The following ZIC5 variants were observed in gnomAD, a reference collection of about 807,000 sequenced individuals.
The protein encoded by ZIC5 is Zic family zinc finger 5.
A neutral mutation model predicts 28.5 loss-of-function variants in ZIC5; 20 were observed. That is an observed-to-expected ratio of 0.70 (90% CI 0.49 to 1.02). The LOEUF is 1.02. Among genes scored for constraint, ZIC5 ranks in the 50% least tolerant of loss-of-function variants. The probability of loss-of-function intolerance (pLI) is 0.00; values close to 1 mark genes in which losing one functional copy is unlikely to be tolerated. For missense variants in ZIC5, 951 were observed against 899.7 expected (o/e 1.06, Z -0.73); for synonymous variants, 488 against 410.4 (o/e 1.19, Z -2.29).
In ZIC5 at chr13:99,971,356, G is replaced by T. The variant is rs1414179384; in HGVS notation, c.248C>A (p.Pro83His). The T allele has an allele frequency of 7.0e-7, 1 of 1,438,620 alleles. No homozygotes were observed. Among genetic ancestry groups the T allele is most frequent in the Admixed American group, 3.0e-5 (1 of 33,854 alleles). The allele number at this position is 1,438,620 out of a possible 1,614,324, so 89.1% of individuals were successfully genotyped here. The stretch of plus-strand genomic sequence containing the variant: ...CGGGTGTGCCGGGAACGCCTGGGAG[G>T]GAGGGCTGAGGCCCAGCGTGCTCGC... ...AQASTLGLSP[P>H]SQAFPAHPEA... Residue 83 changes from proline (P) to histidine (H), a missense_variant, in exon 1 of 2, where the codon CCC becomes CAC. Coordinates refer to ENST00000267294, the MANE Select transcript of ZIC5 (RefSeq NM_033132.5).
At chr13:99,968,486 G>A (rs1594283031) in intron 1 of ZIC5, among the ~76,000 whole-genome samples, 1 of 152,208 alleles carries the variant, frequency 6.6e-6, no homozygotes, top group East Asian at 1.9e-4. Flanking sequence ...ACCGGGGACA[G>A]TGCGCAGGGC....
chr13:99,968,576 C>G (rs2053119763), intron 1 of ZIC5, among the ~76,000 whole-genome samples: 1 of 152,072 alleles, frequency 6.6e-6, no homozygotes, highest in Non-Finnish European at 1.5e-5. Context: ...CCGCTCCCCT[C>G]GCGAGGCCTG....
In ZIC5 at chr13:99,965,757, G is replaced by T; in HGVS notation, c.1540C>A (p.Arg514=). The T allele has an allele frequency of 1.2e-6, 2 of 1,614,118 alleles. No individual in the cohort carries two copies. The highest frequency in any genetic ancestry group is 1.7e-6 in the Non-Finnish European group (2 of 1,180,008). The change falls in exon 2 of 2, where the codon CGG becomes AGG. Residue 514 remains arginine, a synonymous_variant. Coordinates refer to ENST00000267294, the MANE Select transcript of ZIC5 (RefSeq NM_033132.5). ...CDRKFANSSD[R]KKHSHVHTSD... ...GTGTGGACATGGGAATGTTTCTTCCGATCACTGCTATTGGCAAACTTCCTG... is the reference window on the plus strand; with the variant it reads ...GTGTGGACATGGGAATGTTTCTTCCTATCACTGCTATTGGCAAACTTCCTG...
rs2053139227 is a variant in ZIC5, at chr13:99,970,366, G to A, written c.1238C>T (p.Thr413Ile). 2.5e-6 allele frequency: 4 copies of A among 1,588,744 alleles called. No homozygotes were observed. Among genetic ancestry groups the A allele is most frequent in the Non-Finnish European group, 2.6e-6 (3 of 1,169,190 alleles). ...GAKPCSKTFG[T>I]MHELVNHVTV... ...GACGTGATTCACCAGCTCGTGCATG[G>A]TGCCGAAAGTTTTGGAGCAGGGCTT... The change falls in exon 1 of 2, where the codon ACC becomes ATC. Residue 413 changes from threonine (T) to isoleucine (I), a missense_variant. Around this residue, in one of 3 missense-constraint regions of ZIC5, gnomAD observed 784 missense variants for 660.1 expected, o/e 1.19. Transcript: ENST00000267294.
upstream of ZIC5, chr13:99,971,881 A>C (rs1418349857): frequency 4.6e-6 from 3 of 652,926 alleles, no homozygotes; most frequent in African/African-American, 3.7e-5. Context: ...GCTCCCGTTC[A>C]GGCCCTCGAC....
At chr13:99,966,091 T>A (rs1425189176) in intron 1 of ZIC5, among the ~76,000 whole-genome samples, 1 of 151,978 alleles carries the variant, frequency 6.6e-6, no homozygotes, top group Non-Finnish European at 1.5e-5. Context: ...AGTGCTGAGC[T>A]AAGGGCCAGA....
At chr13:99,970,050 G>GAGA in intron 1 of ZIC5, 77 bp downstream of exon 1, 2 of 1,593,204 alleles carry the variant, frequency 1.3e-6, no homozygotes, top group Non-Finnish European at 1.7e-6. Context: ...GGAGGAGGAG[G>GAGA]AGAAGCAGCG....
At chr13:99,966,740 C>T (rs976208094) in intron 1 of ZIC5, among the ~76,000 whole-genome samples, 6 of 151,880 alleles carry the variant, frequency 4.0e-5, no homozygotes, top group Admixed American at 3.9e-4. Context: ...CCTCCTTAAG[C>T]TGGCCTAACC....
chr13:99,969,367 C>A (rs2152155453), intron 1 of ZIC5, among the ~76,000 whole-genome samples: 1 of 152,282 alleles, frequency 6.6e-6, no homozygotes, highest in African/African-American at 2.4e-5. Flanking sequence ...TGTGATACTG[C>A]GTGTGAGAGG....
chr13:99,965,823 C>T lies in ZIC5; in HGVS notation c.1478-4G>A. On this transcript the variant is annotated splice_polypyrimidine_tract_variant and splice_region_variant and intron_variant, in intron 1 of 1. Coordinates refer to ENST00000267294, the MANE Select transcript of ZIC5 (RefSeq NM_033132.5). Reference sequence around the variant, plus strand: ...TCACATTTGAAAGGCTTTTCCCCTGCAAGGAAACACAGGAAAGGTCAACAA... The same window carrying T: ...TCACATTTGAAAGGCTTTTCCCCTGTAAGGAAACACAGGAAAGGTCAACAA... The T allele has an allele frequency of 1.2e-6, 2 of 1,606,718 alleles. No homozygotes were observed. Among genetic ancestry groups the T allele is most frequent in the Non-Finnish European group, 1.7e-6 (2 of 1,175,526 alleles).
chr13:99,966,255 T>A (rs1046859509), intron 1 of ZIC5, among the ~76,000 whole-genome samples: 2 of 151,872 alleles, frequency 1.3e-5, no homozygotes, highest in Admixed American at 6.6e-5. Flanking sequence ...GAAGTAAGCG[T>A]ATAAGAAAAA....
intron 1 of ZIC5, among the ~76,000 whole-genome samples, chr13:99,967,532 T>G (rs966450447): frequency 6.6e-6 from 1 of 152,232 alleles, no homozygotes; most frequent in Non-Finnish European, 1.5e-5. Context: ...GAAATTAAAA[T>G]CAGCCTTTCT....
Position 99,970,520 on chromosome 13 carries a change from G to C in ZIC5, c.1084C>G (p.Arg362Gly). The change falls in exon 1 of 2, where the codon CGC (arginine) becomes GGC (glycine). Residue 362 changes from arginine (R) to glycine (G), a missense_variant. Arg to Gly is a moderately radical substitution (Grantham distance 125). Coordinates refer to ENST00000267294, the MANE Select transcript of ZIC5 (RefSeq NM_033132.5). Reference protein sequence around the residue: ...HLPGAAGAFLRYMRQPIKQEL... With the variant: ...HLPGAAGAFLGYMRQPIKQEL... ...TGCTTGATTGGCTGCCGCATGTAGC[G>C]CAGGAAGGCCCCAGCCGCCCCTGGG... 8.9e-7 allele frequency: 1 copy of C among 1,125,214 alleles called. No individual in the cohort carries two copies. Among genetic ancestry groups the C allele is most frequent in the South Asian group, 2.6e-5 (1 of 39,094 alleles). 69.7% of individuals were successfully genotyped at this position (1,125,214 alleles called of 1,614,324 possible). A position where few individuals can be genotyped will look rare whatever the true frequency, so the allele number is the denominator to read the frequency against.
chr13:99,965,314 A>G lies in ZIC5; in HGVS notation c.*63T>C, dbSNP rs2053090911. On this transcript the variant is annotated 3_prime_UTR_variant, in exon 2 of 2. Transcript: ENST00000267294. ...TTTGTCTCAGGCTCGGCATTGTCTC[A>G]GGTTAGGATGTGGTCCAAGGACTCC... 6.7e-7 allele frequency: 1 copy of G among 1,486,194 alleles called. No homozygotes were observed. Among genetic ancestry groups the G allele is most frequent in the Non-Finnish European group, 9.0e-7 (1 of 1,105,910 alleles). 92.1% of individuals were successfully genotyped at this position (1,486,194 alleles called of 1,614,324 possible). A position where few individuals can be genotyped will look rare whatever the true frequency, so the allele number is the denominator to read the frequency against.
In ZIC5 at chr13:99,967,951, A is replaced by G. The variant is rs2053112478; in HGVS notation, c.1478-2132T>C. Among the ~76,000 whole-genome samples, 3 of 152,360 alleles carry G rather than the reference A, an allele frequency of 2.0e-5. No individual in the cohort carries two copies. In the South Asian group the frequency reaches 6.2e-4, roughly 32 times the overall value. On this transcript the variant is annotated intron_variant, in intron 1 of 1. Coordinates refer to ENST00000267294, the MANE Select transcript of ZIC5 (RefSeq NM_033132.5). ...AGAATTTAACTATTTACAGAGTTTG[A>G]GAGCCTGGAGCCTGTGGGAAAGTAA... is the stretch of plus-strand genomic sequence containing the variant.
chr13:99,966,714 G>A (rs1043048128), intron 1 of ZIC5, among the ~76,000 whole-genome samples: 1 of 152,090 alleles, frequency 6.6e-6, no homozygotes, highest in African/African-American at 2.4e-5. Flanking sequence ...AAAAGGCCAG[G>A]GTCTTTTGGC....
At chr13:99,968,357 G>T (rs1358973845) in intron 1 of ZIC5, among the ~76,000 whole-genome samples, 1 of 152,178 alleles carries the variant, frequency 6.6e-6, no homozygotes, top group Non-Finnish European at 1.5e-5. Flanking sequence ...GAGGGGGCAG[G>T]AAATGCAACC....
rs1336808300 is a variant in ZIC5, at chr13:99,971,553, A to G, written c.51T>C (p.Asp17=). The change falls in exon 1 of 2, where the codon GAT becomes GAC. Residue 17 remains aspartate (D), a synonymous_variant. Coordinates refer to ENST00000267294, the MANE Select transcript of ZIC5 (RefSeq NM_033132.5). ...KRNPPALRLA[D]LATAQVQPLQ... is the part of the protein sequence containing the mutation. ...GCGGCTGGACCTGAGCCGTTGCCAA[A>G]TCCGCTAATCTCAGCGCTGGCGGGT... 1 of 1,552,702 alleles carries G rather than the reference A, an allele frequency of 6.4e-7. No individual in the cohort carries two copies. Among genetic ancestry groups the G allele is most frequent in the East Asian group, 2.4e-5 (1 of 41,082 alleles).
upstream of ZIC5, chr13:99,971,814 G>T: frequency 8.7e-7 from 1 of 1,144,936 alleles, no homozygotes; most frequent in Non-Finnish European, 1.2e-6. Flanking sequence ...TTTGGAAATG[G>T]CACGGGTGGG....
Sources: gnomAD v4.1 joint callset for allele counts (sites outside exome capture counted in the v4.1 genomes callset) on GRCh38, gnomAD v4.1.1 for gene constraint, gnomAD v4.1.1 regional missense constraint, MANE v1.5 for transcripts, NCBI Gene and HGNC (gene_info 2026-07-23, HGNC 2026-07-21) for gene names.